KHDRBS2: variants seen among roughly 807,000 people sequenced by gnomAD.
KHDRBS2 encodes the protein KH RNA binding domain containing, signal transduction associated 2.
In KHDRBS2, 26 loss-of-function variants were observed where a neutral mutation model predicts 44.3. That is an observed-to-expected ratio of 0.59 (90% CI 0.43 to 0.81). KHDRBS2 has a LOEUF of 0.81. KHDRBS2 is among the 40% of genes least tolerant of loss of function. The pLI, the probability that KHDRBS2 is intolerant of heterozygous loss-of-function variation, is 0.00. For missense variants in KHDRBS2, 476 were observed against 433.1 expected (o/e 1.10, Z -0.88); for synonymous variants, 194 against 151.1 (o/e 1.28, Z -2.08).
At chr6:62,124,002 G>C (rs1286606597) in intron 2 of KHDRBS2, among the ~76,000 whole-genome samples, 1 of 152,020 alleles carries the variant, frequency 6.6e-6, no homozygotes, top group Non-Finnish European at 1.5e-5. Flanking sequence ...CCTTATACTT[G>C]CCCTTTTCAT....
intron 6 of KHDRBS2, among the ~76,000 whole-genome samples, chr6:61,844,236 G>C (rs1199759954): frequency 6.6e-6 from 1 of 151,970 alleles, no homozygotes; most frequent in Non-Finnish European, 1.5e-5. Context: ...CTATTAACTG[G>C]CATCATCCAA....
At chr6:61,977,221 T>C (rs564462388) in intron 4 of KHDRBS2, among the ~76,000 whole-genome samples, 1 of 152,260 alleles carries the variant, frequency 6.6e-6, no homozygotes, top group Non-Finnish European at 1.5e-5. Flanking sequence ...ATCTTAGCTG[T>C]GTGCTTTCTC....
intron 3 of KHDRBS2, among the ~76,000 whole-genome samples, chr6:62,029,969 G>GT (rs1784051134): frequency 6.6e-6 from 1 of 151,940 alleles, no homozygotes; most frequent in Non-Finnish European, 1.5e-5. Flanking sequence ...ATAAGCCCTT[G>GT]ATTTTCTATT....
chr6:61,943,103 A>AAAGAAAGAAAAG (rs1812485325), intron 4 of KHDRBS2, among the ~76,000 whole-genome samples: 1 of 148,108 alleles, frequency 6.8e-6, no homozygotes, highest in South Asian at 2.1e-4. Context: ...AGAAAGGAAG[A>AAAGAAAGAAAAG]AAGAAAGAAA....
rs139381343 is a variant in KHDRBS2, at chr6:62,058,653, T to C, written c.220-10659A>G. On this transcript the variant is annotated intron_variant, in intron 2 of 8. Transcript: ENST00000281156. ...TCATAGTACCAATCATCAAAAAACA[T>C]TGGTGAGCAAGAGAATAGTTTTATT... is the stretch of plus-strand genomic sequence containing the variant. Among the ~76,000 whole-genome samples, 446 of 151,950 alleles carry C rather than the reference T, an allele frequency of 2.9e-3. 1 individual carries two copies. The highest frequency in any genetic ancestry group is 0.01 in the African/African-American group (416 of 41,514).
intron 6 of KHDRBS2, among the ~76,000 whole-genome samples, chr6:61,859,259 C>T (rs1796574437): frequency 6.6e-6 from 1 of 151,748 alleles, no homozygotes; most frequent in Admixed American, 6.6e-5. Context: ...ACCCATGCTG[C>T]CAACTGTTTA....
chr6:61,841,291 T>C (rs1323620106), intron 6 of KHDRBS2, among the ~76,000 whole-genome samples: 2 of 152,182 alleles, frequency 1.3e-5, no homozygotes, highest in Non-Finnish European at 2.9e-5. Context: ...ACTCCATGTC[T>C]TTAAATTTAC....
intron 2 of KHDRBS2, among the ~76,000 whole-genome samples, chr6:62,092,059 T>A (rs1799589471): frequency 6.6e-6 from 1 of 152,150 alleles, no homozygotes; most frequent in South Asian, 2.1e-4. Context: ...AGGACTCTTG[T>A]TACTATTCTC....
intron 6 of KHDRBS2, among the ~76,000 whole-genome samples, chr6:61,767,988 G>A (rs1780255995): frequency 6.6e-6 from 1 of 152,006 alleles, no homozygotes; most frequent in Non-Finnish European, 1.5e-5. Context: ...TCTTCAGATG[G>A]GTTTTTATTG....
At chr6:61,856,620 T>C (rs550893445) in intron 6 of KHDRBS2, among the ~76,000 whole-genome samples, 1 of 152,212 alleles carries the variant, frequency 6.6e-6, no homozygotes, top group Admixed American at 6.6e-5. Context: ...TTGCAGAGTT[T>C]CTTTTGCCTT....
At chr6:62,267,376 C>T (rs1839375775) in intron 1 of KHDRBS2, among the ~76,000 whole-genome samples, 1 of 152,012 alleles carries the variant, frequency 6.6e-6, no homozygotes. Flanking sequence ...TGGTTTGCTT[C>T]CTCTCAGTTT....
intron 3 of KHDRBS2, among the ~76,000 whole-genome samples, chr6:62,015,264 G>C (rs1440183464): frequency 6.6e-6 from 1 of 152,082 alleles, no homozygotes; most frequent in East Asian, 1.9e-4. Flanking sequence ...TATACAATTT[G>C]ATTTTTACAG....
chr6:62,248,534 T>C (rs1350015619), intron 1 of KHDRBS2, among the ~76,000 whole-genome samples: 2 of 151,912 alleles, frequency 1.3e-5, no homozygotes, highest in African/African-American at 4.8e-5. Context: ...AATTTTTAAA[T>C]TTTTAGTAGA....
intron 6 of KHDRBS2, among the ~76,000 whole-genome samples, chr6:61,832,047 C>T (rs1017923204): frequency 7.2e-5 from 11 of 152,072 alleles, no homozygotes; most frequent in Middle Eastern, 3.2e-3. Flanking sequence ...TTGAGATGAG[C>T]CTGGGCAACA....
intron 2 of KHDRBS2, among the ~76,000 whole-genome samples, chr6:62,097,346 A>T (rs1800837037): frequency 6.6e-6 from 1 of 151,888 alleles, no homozygotes; most frequent in Non-Finnish European, 1.5e-5. Flanking sequence ...CCCTACTATT[A>T]TTGCATTTGA....
chr6:61,860,514 C>T (rs1363252114), intron 6 of KHDRBS2, among the ~76,000 whole-genome samples: 3 of 151,890 alleles, frequency 2.0e-5, no homozygotes, highest in Admixed American at 6.6e-5. Context: ...GGATAATAGC[C>T]TCCAGCTGCA....
chr6:62,125,365 C>G (rs1463915084), intron 2 of KHDRBS2, among the ~76,000 whole-genome samples: 2 of 152,162 alleles, frequency 1.3e-5, no homozygotes, highest in Non-Finnish European at 2.9e-5. Context: ...GTAAGCCTTG[C>G]CATCCTCGGC....
rs552698866 is a variant in KHDRBS2, at chr6:61,741,087, A to T, written c.811-8323T>A. 1.3e-3 allele frequency among the ~76,000 whole-genome samples: 204 copies of T among 152,034 alleles called. 1 individual carries two copies. The highest frequency in any genetic ancestry group is 4.7e-3 in the African/African-American group (196 of 41,528). On this transcript the variant is annotated intron_variant, in intron 6 of 8. Transcript: ENST00000281156. ...ATTTAAAAAAATCAGCCTTGAATTT[A>T]CCCAAAAGATATTATTTCTTGAAAG...
intron 3 of KHDRBS2, among the ~76,000 whole-genome samples, chr6:61,979,426 T>G (rs748288109): frequency 6.6e-6 from 1 of 152,158 alleles, no homozygotes; most frequent in Non-Finnish European, 1.5e-5. Flanking sequence ...AGACCTTACC[T>G]GGATTTAAAA....
Sources: gnomAD v4.1 joint callset for allele counts (sites outside exome capture counted in the v4.1 genomes callset) on GRCh38, gnomAD v4.1.1 for gene constraint, MANE v1.5 for transcripts, NCBI Gene and HGNC (gene_info 2026-07-23, HGNC 2026-07-21) for gene names.